The following NLRP1 variants were observed in gnomAD, a reference collection of about 807,000 sequenced individuals.
NLRP1 encodes NLR family pyrin domain containing 1.
NLRP1 carries 94 observed loss-of-function variants against 136.7 expected under a neutral mutation model. The observed-to-expected ratio is 0.69, with a 90% CI of 0.58 to 0.82. The LOEUF (loss-of-function observed/expected upper bound fraction) is 0.82. Among genes scored for constraint, NLRP1 ranks in the 40% least tolerant of loss-of-function variants. NLRP1 has a pLI of 0.00. For synonymous variants in NLRP1, 690 were observed against 725.1 expected, an observed-to-expected ratio of 0.95 and a Z score of 0.78; for missense variants, 1,575 against 1,802.7, an observed-to-expected ratio of 0.87 and a Z score of 2.29.
rs74929853 is a variant in NLRP1, at chr17:5,514,787, G to A, written c.4389C>T (p.Gly1463=). The change falls in exon 17 of 17, where the codon GGC becomes GGT. Residue 1463 remains glycine (G), a synonymous_variant. Transcript: ENST00000572272. ...PHLIMELWEK[G]SKKGLLPLSS ...TGAGTGGCAGGAGTCCCTTTTTGCT[G>A]CCCTTCTCCCAGAGTTCCATAATGA... is the stretch of plus-strand genomic sequence containing the variant. The A allele has an allele frequency of 0.014, 22,126 of 1,613,844 alleles. 1,729 individuals carry two copies. In the South Asian group the frequency reaches 0.16, roughly 11 times the overall value.
At chr17:5,530,349 C>T (rs1010596513) in intron 12 of NLRP1, 132 bp downstream of exon 12, 7 of 707,692 alleles carry the variant, frequency 9.9e-6, no homozygotes, top group Non-Finnish European at 1.7e-5. Flanking sequence ...AATCTTAGTC[C>T]CCATCTCCAT....
At position 5,581,074 on chromosome 17, in the gene NLRP1, A is replaced by G. The variant is rs142311966; in HGVS notation, c.652+785T>C. On this transcript the variant is annotated intron_variant, in intron 3 of 16. Transcript: ENST00000572272. ...TAGGCCATATACGACCACAAAATCT[A>G]CAAGTTCACTCCTTGCTGGGTGCAG... Among the ~76,000 whole-genome samples the G allele has an allele frequency of 1.3e-3, 199 of 152,354 alleles. 1 individual carries two copies. The highest frequency in any genetic ancestry group is 4.5e-3 in the African/African-American group (188 of 41,582).
At chr17:5,502,492 A>G (rs1170087219) in intron 15 of NLRP1, 2 of 154,612 alleles carry the variant, frequency 1.3e-5, no homozygotes, top group Non-Finnish European at 2.9e-5. Context: ...GTTTCACCAC[A>G]TGGGCCAGGC....
chr17:5,582,588 A>T, intron 2 of NLRP1, 82 bp downstream of exon 2: 2 of 1,353,068 alleles, frequency 1.5e-6, no homozygotes, highest in Admixed American at 3.9e-5. Context: ...GTCCCCATGC[A>T]CAGACATGAT....
Position 5,556,110 on chromosome 17 carries a change from CTCTCT to C in NLRP1, c.2357+2224_2357+2228del, listed in dbSNP as rs1387513282. The stretch of plus-strand genomic sequence containing the variant: ...TCTGTCTGTCTCTGTCTCTGTCTCT[CTCTCT>C]ACACACACACACACACACACACACA... On this transcript the variant is annotated intron_variant, in intron 4 of 16. Transcript: ENST00000572272. 1.0e-3 allele frequency among the ~76,000 whole-genome samples: 137 copies of C among 130,782 alleles called. 1 individual carries two copies. The highest frequency in any genetic ancestry group is 3.3e-3 in the African/African-American group (111 of 33,384). 85.8% of individuals were successfully genotyped at this position (130,782 alleles called of 152,430 possible). A position where few individuals can be genotyped will look rare whatever the true frequency, so the allele number is the denominator to read the frequency against.
chr17:5,579,915 G>T (rs1905417352), intron 3 of NLRP1, among the ~76,000 whole-genome samples: 1 of 152,142 alleles, frequency 6.6e-6, no homozygotes, highest in Admixed American at 6.6e-5. Context: ...TTTTGAGAGT[G>T]AAGAGTGGGA....
chr17:5,527,363 G>T (rs1197381267), intron 12 of NLRP1, among the ~76,000 whole-genome samples: 1 of 152,248 alleles, frequency 6.6e-6, no homozygotes, highest in East Asian at 1.9e-4. Flanking sequence ...GCCGCAGGTT[G>T]TACAAGCTTG....
At chr17:5,557,687 G>T (rs1914243156) in intron 4 of NLRP1, among the ~76,000 whole-genome samples, 1 of 152,230 alleles carries the variant, frequency 6.6e-6, no homozygotes, top group African/African-American at 2.4e-5. Flanking sequence ...CACGACAGAG[G>T]TCGGGGAACC....
intron 5 of NLRP1, among the ~76,000 whole-genome samples, chr17:5,550,455 C>A (rs1397217161): frequency 1.3e-5 from 2 of 152,108 alleles, no homozygotes; most frequent in Non-Finnish European, 2.9e-5. Context: ...TGGCTCATTT[C>A]ATCTGGGTTA....
At chr17:5,545,706 C>T (rs192669542) in intron 5 of NLRP1, among the ~76,000 whole-genome samples, 101 of 152,288 alleles carry the variant, frequency 6.6e-4, no homozygotes, top group Admixed American at 1.2e-3. Flanking sequence ...AAAGTCCAGA[C>T]GCAGCTGGCA....
rs769780709 is a variant in NLRP1 at position 5,504,961 on chromosome 17, G to A, written c.4070-3089C>T. On this transcript the variant is annotated intron_variant, in intron 15 of 15. Transcript: ENST00000262467. The surrounding 1 kb of genome is among the most constrained non-coding windows in gnomAD (Gnocchi z 4.4). ...GGTGGTGGGGTGTATGTGTCAGTGG[G>A]TGGGTGGGAGAGAAGGACCTTCTGG... is the stretch of plus-strand genomic sequence containing the variant. 4 of 153,034 alleles carry A rather than the reference G, an allele frequency of 2.6e-5. No individual in the cohort carries two copies. Among genetic ancestry groups the A allele is most frequent in the Non-Finnish European group, 5.9e-5 (4 of 68,182 alleles). 9.5% of individuals were successfully genotyped at this position (153,034 alleles called of 1,614,324 possible).
chr17:5,554,149 C>T (rs1397203770), intron 4 of NLRP1, among the ~76,000 whole-genome samples: 1 of 152,056 alleles, frequency 6.6e-6, no homozygotes, highest in Non-Finnish European at 1.5e-5. Flanking sequence ...TCCAGGTTGG[C>T]TCACATGGGA....
intron 15 of NLRP1, among the ~76,000 whole-genome samples, chr17:5,509,042 G>T (rs1474964521): frequency 6.6e-6 from 1 of 152,190 alleles, no homozygotes; most frequent in East Asian, 1.9e-4. Context: ...TTACCTAACC[G>T]CCTAGATGGC....
At chr17:5,502,883 T>C (rs1597384350) in intron 15 of NLRP1, 1 of 150,456 alleles carries the variant, frequency 6.6e-6, no homozygotes. Context: ...CGGAAGGACA[T>C]GTAGTGGACT....
intron 3 of NLRP1, among the ~76,000 whole-genome samples, chr17:5,573,472 T>C (rs931219761): frequency 6.6e-6 from 1 of 152,168 alleles, no homozygotes; most frequent in Admixed American, 6.5e-5. Flanking sequence ...AGAGCAGCGG[T>C]TCTCCCAGCA....
rs141484561 is a variant in NLRP1, at chr17:5,551,440, C to A, written c.2528+1946G>T. Among the ~76,000 whole-genome samples, 681 of 152,302 alleles carry A rather than the reference C, an allele frequency of 4.5e-3. 4 individuals carry two copies. The highest frequency in any genetic ancestry group is 3.4e-3 in the Non-Finnish European group (232 of 68,026). On this transcript the variant is annotated intron_variant, in intron 5 of 16. Coordinates refer to ENST00000572272, the MANE Select transcript of NLRP1 (RefSeq NM_033004.4). ...ATGAGTCCATTCACTTTCTGAAGGG[C>A]AGCTTGCTTCCAAGTTTTGGCAATG...
intron 5 of NLRP1, among the ~76,000 whole-genome samples, chr17:5,545,002 T>G (rs1912387988): frequency 6.6e-6 from 1 of 152,078 alleles, no homozygotes; most frequent in Non-Finnish European, 1.5e-5. Flanking sequence ...TGGTTATCCT[T>G]CTGGTTGGAC....
chr17:5,580,627 T>G lies in NLRP1; in HGVS notation c.652+1232A>C, dbSNP rs1470453174. ...ATTTATAGCAATGAGGTAGTCTTTG[T>G]GGTTTTCATACTTGTTTTTTTCACT... On this transcript the variant is annotated intron_variant, in intron 3 of 16. Transcript: ENST00000572272. Among the ~76,000 whole-genome samples the G allele has an allele frequency of 2.0e-5, 3 of 152,220 alleles. No individual in the cohort carries two copies. The East Asian group carries it at 5.8e-4, about 29-fold the overall frequency.
At chr17:5,568,366 T>G (rs776385123) in intron 3 of NLRP1, among the ~76,000 whole-genome samples, 2 of 152,212 alleles carry the variant, frequency 1.3e-5, no homozygotes, top group African/African-American at 4.8e-5. Context: ...TTCTTCAGTA[T>G]GCAAATTGAA....
Sources: allele counts gnomAD v4.1 joint callset (sites outside exome capture counted in the v4.1 genomes callset), GRCh38; gene constraint gnomAD v4.1.1; non-coding constraint Gnocchi (gnomAD v3.1); transcripts MANE v1.5; gene names NCBI Gene and HGNC (gene_info 2026-07-23, HGNC 2026-07-21).